RALGDS: variants seen among roughly 807,000 people sequenced by gnomAD.
RALGDS encodes the protein ral guanine nucleotide dissociation stimulator.
A neutral mutation model predicts 99.8 loss-of-function variants in RALGDS; 44 were observed. The observed-to-expected ratio is 0.44, with a 90% CI of 0.35 to 0.57. The LOEUF (loss-of-function observed/expected upper bound fraction) is 0.57. RALGDS is among the 20% of genes least tolerant of loss of function. The probability of loss-of-function intolerance (pLI) is 0.01; values close to 1 mark genes in which losing one functional copy is unlikely to be tolerated. For missense variants in RALGDS, 1,022 were observed against 1,203.1 expected (o/e 0.85, Z 2.23); for synonymous variants, 529 against 505.0 (o/e 1.05, Z -0.64).
chr9:133,106,029 CA>C lies in RALGDS; in HGVS notation c.1518-14del, dbSNP rs756885924. ...CCGGAAACTGTCCCTGTCAGAAGGG[CA>C]AAGAAGGAAAGAGAAAGCTGGGAAT... On this transcript the variant is annotated splice_polypyrimidine_tract_variant and intron_variant, in intron 8 of 17. Coordinates refer to ENST00000372050, the MANE Select transcript of RALGDS (RefSeq NM_006266.4). 3 of 1,603,288 alleles carry C rather than the reference CA, an allele frequency of 1.9e-6. No individual in the cohort carries two copies. In the South Asian group the frequency reaches 3.3e-5, roughly 18 times the overall value.
chr9:133,111,928 G>A (rs376368084), intron 2 of RALGDS, 114 bp downstream of exon 2: 17 of 795,258 alleles, frequency 2.1e-5, no homozygotes, highest in Admixed American at 4.0e-5. Flanking sequence ...AGTGGGGGTC[G>A]GGAAGGGAGT....
intron 9 of RALGDS, among the ~76,000 whole-genome samples, 198 bp downstream of exon 9, chr9:133,105,734 C>A (rs1830985932): frequency 1.3e-5 from 2 of 152,118 alleles, no homozygotes; most frequent in Admixed American, 1.3e-4. Flanking sequence ...CCCTCAAACA[C>A]CCAGGGGCCA....
At chr9:133,126,259 G>A (rs1211961543) in intron 1 of RALGDS, among the ~76,000 whole-genome samples, 2 of 151,890 alleles carry the variant, frequency 1.3e-5, no homozygotes, top group African/African-American at 2.4e-5. Flanking sequence ...TTCCTTGGGG[G>A]CTACAACCAC....
intron 9 of RALGDS, 53 bp from the exon 10 acceptor site, chr9:133,104,384 C>T: frequency 1.3e-6 from 2 of 1,500,290 alleles, no homozygotes; most frequent in East Asian, 2.3e-5. Context: ...AGCCCTCAGG[C>T]ACCCTGACCT....
At chr9:133,130,167 T>C (rs2119248749) in intron 1 of RALGDS, among the ~76,000 whole-genome samples, 1 of 152,248 alleles carries the variant, frequency 6.6e-6, no homozygotes, top group African/African-American at 2.4e-5. Flanking sequence ...AGATGGGGCT[T>C]CACTACATTG....
At chr9:133,140,287 C>A (rs73660452) in intron 1 of RALGDS, among the ~76,000 whole-genome samples, 5,229 of 151,818 alleles carry the variant, frequency 0.034, 285 homozygotes, top group African/African-American at 0.12. Flanking sequence ...GGCACCCCCC[C>A]ACACACACAT....
chr9:133,102,578 G>C lies in RALGDS; in HGVS notation c.1914-7C>G. ...CTCGCACGACAGGTTGTAGCTATGA[G>C]CAGAGGGGCAGTGGTGTGACAACCA... On this transcript the variant is annotated splice_region_variant and splice_polypyrimidine_tract_variant and intron_variant, in intron 13 of 17. Coordinates refer to ENST00000372050, the MANE Select transcript of RALGDS (RefSeq NM_006266.4). 6.2e-7 allele frequency: 1 copy of C among 1,613,706 alleles called. No homozygotes were observed. Among genetic ancestry groups the C allele is most frequent in the Non-Finnish European group, 8.5e-7 (1 of 1,179,748 alleles).
chr9:133,099,623 CATGCATATATATACACATAT>C (rs1830656701), intron 17 of RALGDS: 1 of 153,566 alleles, frequency 6.5e-6, no homozygotes. Context: ...CACACATATA[CATGCATATATATACACATAT>C]ATACATACAT....
chr9:133,101,380 T>C (rs776549643), intron 16 of RALGDS, 140 bp downstream of exon 16: 1 of 1,555,946 alleles, frequency 6.4e-7, no homozygotes, highest in Non-Finnish European at 8.8e-7. Context: ...CACTACCTTC[T>C]TCATTTCTGT....
chr9:133,131,238 A>C (rs1485227651), upstream of RALGDS: 4 of 706,882 alleles, frequency 5.7e-6, no homozygotes, highest in Middle Eastern at 7.7e-4. Context: ...GAGCTCTGCC[A>C]CCCTCAGGGT....
At chr9:133,099,792 A>C (rs1830670066) in intron 17 of RALGDS, 1 of 191,280 alleles carries the variant, frequency 5.2e-6, no homozygotes, top group Non-Finnish European at 1.1e-5. Flanking sequence ...AGGATACCCC[A>C]CTCTGAGCCT....
At position 133,144,415 on chromosome 9, in the gene RALGDS, G is replaced by T. The variant is rs1022279522; in HGVS notation, c.18+4548C>A. Reference sequence around the variant, plus strand: ...CCCCGCCGGCCTCCGACGCAAAGTCGCCACCCAGTCACCCCGCCTCGGCCC... The same window carrying T: ...CCCCGCCGGCCTCCGACGCAAAGTCTCCACCCAGTCACCCCGCCTCGGCCC... On this transcript the variant is annotated intron_variant, in intron 1 of 17. Transcript: ENST00000393160. The surrounding 1 kb of genome is among the most constrained non-coding windows in gnomAD (Gnocchi z 4.5). Among the ~76,000 whole-genome samples the T allele has an allele frequency of 6.6e-6, 1 of 152,044 alleles. No homozygotes were observed. Among genetic ancestry groups the T allele is most frequent in the Non-Finnish European group, 1.5e-5 (1 of 68,016 alleles).
At chr9:133,110,628 T>G in intron 2 of RALGDS, 139 bp from the exon 3 acceptor site, 1 of 795,516 alleles carries the variant, frequency 1.3e-6, no homozygotes, top group Non-Finnish European at 2.1e-6. Context: ...TTATCAGCTT[T>G]AAAAGTAGAA....
upstream of RALGDS, among the ~76,000 whole-genome samples, chr9:133,125,873 C>G (rs763203575): frequency 6.6e-6 from 1 of 152,178 alleles, no homozygotes; most frequent in Non-Finnish European, 1.5e-5. Context: ...CTGTATTACT[C>G]TCTGTGGGCA....
chr9:133,101,415 C>G (rs62576824), intron 16 of RALGDS, 105 bp downstream of exon 16: 17,433 of 1,588,092 alleles, frequency 0.011, 122 homozygotes, highest in Non-Finnish European at 0.013. Context: ...TGTCCTTCCC[C>G]GCCAACTACA....
intron 10 of RALGDS, 69 bp from the exon 11 acceptor site, chr9:133,103,902 C>A (rs1830884840): frequency 4.7e-6 from 7 of 1,478,082 alleles, no homozygotes; most frequent in Admixed American, 1.7e-5. Context: ...CCAGCCCCAA[C>A]TGGTCTCACT....
intron 12 of RALGDS, 132 bp from the exon 13 acceptor site, chr9:133,103,032 G>A: frequency 3.4e-6 from 5 of 1,457,346 alleles, no homozygotes; most frequent in Non-Finnish European, 4.7e-6. Flanking sequence ...CTCAAAGTTG[G>A]GCTCAGCCAC....
intron 4 of RALGDS, 80 bp downstream of exon 4, chr9:133,109,546 G>A (rs552128929): frequency 2.6e-5 from 34 of 1,328,218 alleles, no homozygotes; most frequent in Admixed American, 2.2e-4. Context: ...AGCCAGCCCC[G>A]GCTCCGGCCC....
rs1287584498 is a variant in RALGDS at position 133,104,323 on chromosome 9, G to A, written c.1611C>T (p.Thr537=). Residue 537 remains threonine (T), a synonymous_variant, in exon 10 of 18, where the codon ACC becomes ACT. Coordinates refer to ENST00000372050, the MANE Select transcript of RALGDS (RefSeq NM_006266.4). ...LSRELLIKEG[T]SKFATLEMNP... ...TCATCTCCAGGGTGGCAAACTTGGA[G>A]GTGCCCTCCTGCCAGGGTAGAGGAC... is the stretch of plus-strand genomic sequence containing the variant. 1 of 1,613,244 alleles carries A rather than the reference G, an allele frequency of 6.2e-7. No individual in the cohort carries two copies. Among genetic ancestry groups the A allele is most frequent in the Non-Finnish European group, 8.5e-7 (1 of 1,179,214 alleles).
Sources: gnomAD v4.1 joint callset for allele counts (sites outside exome capture counted in the v4.1 genomes callset) on GRCh38, gnomAD v4.1.1 for gene constraint, Gnocchi (gnomAD v3.1) non-coding constraint, MANE v1.5 for transcripts, NCBI Gene and HGNC (gene_info 2026-07-23, HGNC 2026-07-21) for gene names.